FRMPD4: variants seen among roughly 807,000 people sequenced by gnomAD.
FRMPD4 encodes FERM and PDZ domain containing 4.
Under a neutral mutation model 94.1 loss-of-function variants are expected in FRMPD4, and 22 were observed. The observed-to-expected ratio is 0.23, with a 90% CI of 0.17 to 0.33. The LOEUF (loss-of-function observed/expected upper bound fraction) is 0.33. Ranked by LOEUF, FRMPD4 falls within the 10% of genes least tolerant of loss-of-function variation. The pLI, the probability that FRMPD4 is intolerant of heterozygous loss-of-function variation, is 1.00. For missense variants in FRMPD4, 1,111 were observed against 1,339.9 expected (o/e 0.83, Z 2.67); for synonymous variants, 631 against 548.6 (o/e 1.15, Z -2.10).
chrX:12,365,560 G>A (rs2056062361), intron 1 of FRMPD4, among the ~76,000 whole-genome samples: 1 of 111,626 alleles, frequency 9.0e-6, no homozygotes, highest in African/African-American at 3.3e-5. Flanking sequence ...AAGTGCTGGG[G>A]CCTTCCCACT....
chrX:12,210,718 G>A (rs1242718608), intron 1 of FRMPD4, among the ~76,000 whole-genome samples: 2 of 109,652 alleles, frequency 1.8e-5, no homozygotes, highest in Non-Finnish European at 3.8e-5. Flanking sequence ...AAACTGCCCC[G>A]CCTCCCCCAC....
At chrX:12,443,494 T>C (rs1234268043) in intron 1 of FRMPD4, among the ~76,000 whole-genome samples, 4 of 112,079 alleles carry the variant, frequency 3.6e-5, no homozygotes. Context: ...ACATCTCAAC[T>C]GAGACTAGCC....
intron 1 of FRMPD4, among the ~76,000 whole-genome samples, chrX:12,316,420 C>T (rs1050801394): frequency 6.3e-5 from 7 of 111,096 alleles, no homozygotes; most frequent in South Asian, 3.8e-4. Context: ...CCCAAAGTGC[C>T]GGGATTACAG....
chrX:11,838,385 T>C (rs1266207490), intron 1 of FRMPD4, among the ~76,000 whole-genome samples: 1 of 111,751 alleles, frequency 8.9e-6, no homozygotes, highest in South Asian at 3.7e-4. Flanking sequence ...GCCTTCAGGA[T>C]TGGTGTATTG....
chrX:12,291,722 G>A (rs764325802), intron 1 of FRMPD4, among the ~76,000 whole-genome samples: 32 of 111,370 alleles, frequency 2.9e-4, no homozygotes, highest in Non-Finnish European at 4.9e-4. Flanking sequence ...CTCAGTCTCC[G>A]ATCATTTCTT....
chrX:12,661,475 CTT>C (rs2059713087), intron 4 of FRMPD4, among the ~76,000 whole-genome samples: 1 of 111,620 alleles, frequency 9.0e-6, no homozygotes, highest in African/African-American at 3.3e-5. Context: ...CAAGTGGACT[CTT>C]TAATTCATCT....
chrX:12,216,983 T>C (rs758823575), intron 1 of FRMPD4, among the ~76,000 whole-genome samples: 3 of 112,130 alleles, frequency 2.7e-5, no homozygotes, highest in Admixed American at 9.5e-5. Flanking sequence ...ATTACCGCTT[T>C]CTGCCGTCTG....
chrX:12,107,499 C>G (rs1312462684), intron 3 of FRMPD4, among the ~76,000 whole-genome samples: 2 of 112,003 alleles, frequency 1.8e-5, no homozygotes, highest in African/African-American at 3.3e-5. Flanking sequence ...CGCCTCTCCC[C>G]CTCCAAAGGA....
At chrX:11,878,697 C>T (rs888900408) in intron 3 of FRMPD4, among the ~76,000 whole-genome samples, 5 of 112,139 alleles carry the variant, frequency 4.5e-5, no homozygotes, top group East Asian at 5.5e-4. Context: ...CTTTCAAATA[C>T]GAGAAATTCA....
intron 3 of FRMPD4, among the ~76,000 whole-genome samples, chrX:11,954,475 C>T (rs1431579957): frequency 1.8e-5 from 2 of 111,596 alleles, no homozygotes; most frequent in Non-Finnish European, 3.8e-5. Flanking sequence ...ACAGGTTGTC[C>T]GGTTAGCACC....
At chrX:12,295,063 C>T (rs1405616492) in intron 1 of FRMPD4, among the ~76,000 whole-genome samples, 1 of 112,101 alleles carries the variant, frequency 8.9e-6, no homozygotes, top group Non-Finnish European at 1.9e-5. Flanking sequence ...GGAATGTTCA[C>T]TTTCTTATAT....
intron 1 of FRMPD4, among the ~76,000 whole-genome samples, chrX:12,444,308 A>G (rs2057171275): frequency 8.9e-6 from 1 of 111,976 alleles, no homozygotes; most frequent in African/African-American, 3.2e-5. Context: ...TATTTCTTTC[A>G]TTAATTTAGG....
chrX:11,981,200 G>A (rs958715729), intron 3 of FRMPD4, among the ~76,000 whole-genome samples: 1 of 111,869 alleles, frequency 8.9e-6, no homozygotes, highest in Non-Finnish European at 1.9e-5. Flanking sequence ...TCCAATTATT[G>A]AGTATGATAT....
At chrX:11,866,138 C>T (rs187043951) in intron 2 of FRMPD4, among the ~76,000 whole-genome samples, 1 of 111,771 alleles carries the variant, frequency 8.9e-6, no homozygotes, top group Non-Finnish European at 1.9e-5. Flanking sequence ...CTTTCTGTTA[C>T]TTTCCTTATA....
intron 3 of FRMPD4, among the ~76,000 whole-genome samples, chrX:11,971,485 C>T (rs941112116): frequency 8.9e-6 from 1 of 112,719 alleles, no homozygotes; most frequent in Non-Finnish European, 1.9e-5. Flanking sequence ...TCATTTATAT[C>T]CTAGCACCTT....
intron 1 of FRMPD4, among the ~76,000 whole-genome samples, chrX:12,460,435 G>A (rs1186474511): frequency 9.0e-6 from 1 of 111,601 alleles, no homozygotes; most frequent in African/African-American, 3.3e-5. Flanking sequence ...GTTAATTTTT[G>A]TCCATAGTGA....
At position 12,584,153 on chromosome X, in the gene FRMPD4, C is replaced by T. The variant is rs7065544; in HGVS notation, c.159-25568C>T. ...TTGAACCTACCCGGATTTTAAAGCT[C>T]ACCTGTGCCCTGCCTGGGCACTCGG... On this transcript the variant is annotated intron_variant, in intron 2 of 16. Transcript: ENST00000675598. 7.6e-3 allele frequency among the ~76,000 whole-genome samples: 854 copies of T among 112,442 alleles called. 8 individuals are homozygous for T. The highest frequency in any genetic ancestry group is 0.024 in the African/African-American group (753 of 30,974).
At chrX:12,632,294 G>A (rs144488214) in intron 4 of FRMPD4, among the ~76,000 whole-genome samples, 4,323 of 110,966 alleles carry the variant, frequency 0.039, 92 homozygotes, top group Non-Finnish European at 0.058. Context: ...CCTCATCCCC[G>A]CAAAAGGTTT....
chrX:12,296,690 C>T (rs2054777202), intron 1 of FRMPD4, among the ~76,000 whole-genome samples: 1 of 112,420 alleles, frequency 8.9e-6, no homozygotes, highest in Non-Finnish European at 1.9e-5. Context: ...TCAACTAACC[C>T]TGGCCATAAC....
Sources: allele counts gnomAD v4.1 joint callset (sites outside exome capture counted in the v4.1 genomes callset), GRCh38; gene constraint gnomAD v4.1.1; transcripts MANE v1.5; gene names NCBI Gene and HGNC (gene_info 2026-07-23, HGNC 2026-07-21).